EPHB2: variants seen among roughly 807,000 people sequenced by gnomAD.
EPHB2 encodes ephrin type-B receptor 2.
Under a neutral mutation model 96.4 loss-of-function variants are expected in EPHB2, and 18 were observed. That is an observed-to-expected ratio of 0.19 (90% confidence interval 0.13 to 0.28). EPHB2 has a LOEUF of 0.28. EPHB2 is among the 10% of genes least tolerant of loss of function. The pLI, the probability that EPHB2 is intolerant of heterozygous loss-of-function variation, is 1.00. For synonymous variants in EPHB2, 506 were observed against 534.1 expected (o/e 0.95, Z 0.72); for missense variants, 989 against 1,355.4 (o/e 0.73, Z 4.25).
At chr1:22,884,304 G>GA (rs932026396) in intron 6 of EPHB2, among the ~76,000 whole-genome samples, 3 of 152,122 alleles carry the variant, frequency 2.0e-5, no homozygotes, top group Non-Finnish European at 4.4e-5. Context: ...TCAGGAGTTC[G>GA]AGACCAGCCT....
rs1457553929 is a variant in EPHB2 at position 22,863,141 on chromosome 1, C to T, written c.916C>T (p.Arg306Cys). Residue 306 changes from arginine to cysteine, a missense_variant, in exon 4 of 16, where the codon CGC (arginine) becomes TGC (cysteine). Arg to Cys is a radical substitution (Grantham distance 180). Coordinates refer to ENST00000374630, the MANE Select transcript of EPHB2 (RefSeq NM_017449.5). ...TGAAGGGGCCACCAACTGTGTCTGCCGCAATGGCTACTACAGAGCAGACCT... is the reference window on the plus strand; with the variant it reads ...TGAAGGGGCCACCAACTGTGTCTGCTGCAATGGCTACTACAGAGCAGACCT... ...TSEGATNCVCRNGYYRADLDP... is the reference protein window; with the variant it reads ...TSEGATNCVCCNGYYRADLDP... The T allele has an allele frequency of 6.8e-6, 11 of 1,614,078 alleles. No individual in the cohort carries two copies. The highest frequency in any genetic ancestry group is 2.7e-5 in the African/African-American group (2 of 74,928).
chr1:22,790,967 C>T lies in EPHB2; in HGVS notation c.811+5891C>T, dbSNP rs10799764. ...CCCCAGCTCATGGCCTCTCCTTGACCTTGGCTTCAGAGACCTGCTTTCAAA... is the reference window on the plus strand; with the variant it reads ...CCCCAGCTCATGGCCTCTCCTTGACTTTGGCTTCAGAGACCTGCTTTCAAA... On this transcript the variant is annotated intron_variant, in intron 3 of 15. Transcript: ENST00000374630. The surrounding 1 kb of genome is among the most constrained non-coding windows in gnomAD (Gnocchi z 4.0). Among the ~76,000 whole-genome samples the T allele has an allele frequency of 0.12, 17,642 of 152,176 alleles. 1,741 individuals are homozygous for T. Among genetic ancestry groups the T allele is most frequent in the East Asian group, 0.55 (2,850 of 5,148 alleles).
At chr1:22,775,882 T>C (rs1340241041) in intron 1 of EPHB2, among the ~76,000 whole-genome samples, 1 of 152,164 alleles carries the variant, frequency 6.6e-6, no homozygotes, top group African/African-American at 2.4e-5. Context: ...CATCTATCCA[T>C]TGGGATTCTT....
rs567177995 is a variant in EPHB2 at position 22,826,276 on chromosome 1, C to T, written c.812-36761C>T. Among the ~76,000 whole-genome samples, 34 of 152,298 alleles carry T rather than the reference C, an allele frequency of 2.2e-4. No individual in the cohort carries two copies. The South Asian group carries it at 5.6e-3, about 25-fold the overall frequency. ...AGGTGGGCGCACCTGCCTCTCCCCACGGCCTTGGGCTTAAGGAGTATGTTT... is the reference window on the plus strand; with the variant it reads ...AGGTGGGCGCACCTGCCTCTCCCCATGGCCTTGGGCTTAAGGAGTATGTTT... On this transcript the variant is annotated intron_variant, in intron 3 of 15. Coordinates refer to ENST00000374630, the MANE Select transcript of EPHB2 (RefSeq NM_017449.5).
chr1:22,755,026 C>G (rs1006865881), intron 1 of EPHB2, among the ~76,000 whole-genome samples: 37 of 148,142 alleles, frequency 2.5e-4, no homozygotes, highest in Non-Finnish European at 5.1e-4. Flanking sequence ...CCCGAGGCCC[C>G]CCTCTCCTGC....
intron 3 of EPHB2, among the ~76,000 whole-genome samples, chr1:22,825,662 T>C (rs1645212886): frequency 1.3e-5 from 2 of 152,198 alleles, no homozygotes; most frequent in African/African-American, 4.8e-5. Flanking sequence ...ACCTGACATC[T>C]GGAGCAGGAG....
intron 2 of EPHB2, among the ~76,000 whole-genome samples, chr1:22,783,326 C>G (rs1644561231): frequency 6.6e-6 from 1 of 152,186 alleles, no homozygotes. Flanking sequence ...GGAGAGGGGA[C>G]TCTGCTGTTG....
At chr1:22,896,905 C>T (rs1465221088) in intron 9 of EPHB2, among the ~76,000 whole-genome samples, 1 of 152,148 alleles carries the variant, frequency 6.6e-6, no homozygotes, top group Non-Finnish European at 1.5e-5. Flanking sequence ...GCGTGGTGCC[C>T]AGCACATAGT....
In EPHB2 at chr1:22,784,697, C is replaced by T. The variant is rs765994556; in HGVS notation, c.432C>T (p.Asp144=). Residue 144 remains aspartate, a synonymous_variant, in exon 3 of 16, where the codon GAC becomes GAT. Coordinates refer to ENST00000374630, the MANE Select transcript of EPHB2 (RefSeq NM_017449.5). This position sits in a 1 kb window ranked among gnomAD's most constrained non-coding sequence, Gnocchi z 5.1. ...PWVKVDTIAA[D]ESFSQVDLGG... ...TGAAGGTGGATACCATTGCAGCCGACGAGAGCTTCTCCCAGGTGGACCTGG... is the reference window on the plus strand; with the variant it reads ...TGAAGGTGGATACCATTGCAGCCGATGAGAGCTTCTCCCAGGTGGACCTGG... 1.9e-5 allele frequency: 30 copies of T among 1,613,852 alleles called. No homozygotes were observed. Among genetic ancestry groups the T allele is most frequent in the South Asian group, 1.3e-4 (12 of 91,084 alleles).
At chr1:22,780,398 G>A (rs1015019719) in intron 1 of EPHB2, among the ~76,000 whole-genome samples, 1 of 152,176 alleles carries the variant, frequency 6.6e-6, no homozygotes, top group Non-Finnish European at 1.5e-5. Context: ...CCCCTACTGG[G>A]TGCAGTGCTT....
intron 1 of EPHB2, among the ~76,000 whole-genome samples, chr1:22,745,392 G>C (rs1287534904): frequency 1.3e-5 from 2 of 152,140 alleles, no homozygotes; most frequent in African/African-American, 4.8e-5. Flanking sequence ...TCAAAACCAG[G>C]CAAAACGAAT....
At chr1:22,891,505 C>A (rs954342257) in intron 6 of EPHB2, among the ~76,000 whole-genome samples, 4 of 152,246 alleles carry the variant, frequency 2.6e-5, no homozygotes, top group Admixed American at 6.5e-5. Flanking sequence ...CCCTGTAGAA[C>A]CCCAGTCCCA....
intron 5 of EPHB2, among the ~76,000 whole-genome samples, chr1:22,868,594 T>C (rs1638558711): frequency 1.3e-5 from 2 of 152,190 alleles, no homozygotes; most frequent in African/African-American, 4.8e-5. Context: ...CTCATTCTCC[T>C]TGGACTGGCA....
rs112241233 is a variant in EPHB2, at chr1:22,810,076, C to T, written c.811+25000C>T. On this transcript the variant is annotated intron_variant, in intron 3 of 15. Coordinates refer to ENST00000374630, the MANE Select transcript of EPHB2 (RefSeq NM_017449.5). ...TCAGCATGGACATTATAGTGCTTTG[C>T]GTGCTAGGGAAGTGACCCGGAGTTC... 7.8e-3 allele frequency among the ~76,000 whole-genome samples: 1,194 copies of T among 152,160 alleles called. 9 individuals carry two copies. Among genetic ancestry groups the T allele is most frequent in the Middle Eastern group, 0.024 (7 of 294 alleles).
At chr1:22,774,268 G>A (rs1028403996) in intron 1 of EPHB2, among the ~76,000 whole-genome samples, 3 of 152,160 alleles carry the variant, frequency 2.0e-5, no homozygotes, top group Non-Finnish European at 2.9e-5. Context: ...AAGTTCACAC[G>A]TCGGGCACTA....
In EPHB2 at chr1:22,914,341, T is replaced by C. The variant is rs1172930720; in HGVS notation, c.*771T>C. 3.2e-5 allele frequency: 5 copies of C among 155,914 alleles called. No homozygotes were observed. The South Asian group carries it at 9.9e-4, about 31-fold the overall frequency. 9.7% of individuals were successfully genotyped at this position (155,914 alleles called of 1,614,324 possible). A position where few individuals can be genotyped will look rare whatever the true frequency, so the allele number is the denominator to read the frequency against. On this transcript the variant is annotated 3_prime_UTR_variant, in exon 16 of 16. Transcript: ENST00000374630. Reference sequence around the variant, plus strand: ...CCAGGTACATATCACGCGCACAGCCTGGCAGCCTGGCCCTCCTGGTGCCCA... The same window carrying C: ...CCAGGTACATATCACGCGCACAGCCCGGCAGCCTGGCCCTCCTGGTGCCCA...
At chr1:22,736,721 C>CG (rs1489543023) in intron 1 of EPHB2, among the ~76,000 whole-genome samples, 1 of 152,096 alleles carries the variant, frequency 6.6e-6, no homozygotes. Flanking sequence ...GCCCAGACCC[C>CG]GGGCCCAGCC....
At chr1:22,726,534 C>T (rs1643585893) in intron 1 of EPHB2, among the ~76,000 whole-genome samples, 1 of 152,050 alleles carries the variant, frequency 6.6e-6, no homozygotes, top group Admixed American at 6.5e-5. Flanking sequence ...GATTCTCCTG[C>T]CTCAGTCTCC....
chr1:22,838,172 C>T (rs1386572548), intron 3 of EPHB2, among the ~76,000 whole-genome samples: 2 of 152,216 alleles, frequency 1.3e-5, no homozygotes, highest in African/African-American at 4.8e-5. Flanking sequence ...ATCCCATGCC[C>T]TCTCTGGACA....
Sources: gnomAD v4.1 joint callset for allele counts (sites outside exome capture counted in the v4.1 genomes callset) on GRCh38, gnomAD v4.1.1 for gene constraint, Gnocchi (gnomAD v3.1) non-coding constraint, MANE v1.5 for transcripts, NCBI Gene and HGNC (gene_info 2026-07-23, HGNC 2026-07-21) for gene names.